The following ITGB4 variants were observed in gnomAD, a reference collection of about 807,000 sequenced individuals.
The protein encoded by ITGB4 is integrin beta-4.
ITGB4 carries 159 observed loss-of-function variants against 207.6 expected under a neutral mutation model. The observed-to-expected ratio is 0.77, with a 90% confidence interval of 0.67 to 0.87. The LOEUF is 0.87. Among genes scored for constraint, ITGB4 ranks in the 40% least tolerant of loss-of-function variants. ITGB4 has a pLI of 0.00. For missense variants in ITGB4, 2,278 were observed against 2,546.8 expected, an observed-to-expected ratio of 0.89 and a Z score of 2.27; for synonymous variants, 1,020 against 1,062.7, an observed-to-expected ratio of 0.96 and a Z score of 0.78.
chr17:75,730,034 C>A (rs539294300), intron 7 of ITGB4, among the ~76,000 whole-genome samples: 1 of 152,230 alleles, frequency 6.6e-6, no homozygotes, highest in African/African-American at 2.4e-5. Context: ...CAGCGCCTTG[C>A]GGGGGCCGCA....
intron 13 of ITGB4, 68 bp downstream of exon 13, chr17:75,733,760 G>A (rs1198223890): frequency 1.1e-5 from 16 of 1,520,158 alleles, no homozygotes; most frequent in African/African-American, 2.7e-5. Flanking sequence ...TGACTTTCCC[G>A]TCAGGACCCA....
In ITGB4 at chr17:75,739,648, A is replaced by T; in HGVS notation, c.2221-24A>T. The T allele has an allele frequency of 6.2e-7, 1 of 1,613,932 alleles. No individual in the cohort carries two copies. Among genetic ancestry groups the T allele is most frequent in the Admixed American group, 1.7e-5 (1 of 60,008 alleles). On this transcript the variant is annotated intron_variant, in intron 18 of 39. Coordinates refer to ENST00000200181, the MANE Select transcript of ITGB4 (RefSeq NM_000213.5). This position sits in a 1 kb window ranked among gnomAD's most constrained non-coding sequence, Gnocchi z 5.4. ...GGCCAGGGCAGCTGTCTCAGGCCTC[A>T]CCCTCACCCACCTTGTCTCCTAGGC... is the stretch of plus-strand genomic sequence containing the variant.
Position 75,732,205 on chromosome 17 carries a change from T to A in ITGB4, c.1420T>A (p.Phe474Ile). ...RSARCSFNGD[F>I]VCGQCVCSEG... ...AGCTCGCTGCAGCTTCAACGGAGAC[T>A]TCGTGTGCGGACAGTGTGTGTGCAG... The change falls in exon 12 of 40, where the codon TTC becomes ATC. Residue 474 changes from phenylalanine to isoleucine, a missense_variant. Transcript: ENST00000200181. The surrounding 1 kb of genome is among the most constrained non-coding windows in gnomAD (Gnocchi z 5.3). 1 of 1,614,084 alleles carries A rather than the reference T, an allele frequency of 6.2e-7. No homozygotes were observed. Among genetic ancestry groups the A allele is most frequent in the Non-Finnish European group, 8.5e-7 (1 of 1,180,038 alleles).
chr17:75,736,218 T>A (rs1323792153), intron 14 of ITGB4, 64 bp downstream of exon 14: 7 of 1,601,668 alleles, frequency 4.4e-6, no homozygotes, highest in Non-Finnish European at 5.1e-6. Context: ...GAGAGAACCC[T>A]ATGGAGAGAG....
At chr17:75,757,170 C>A (rs1442593251) in intron 38 of ITGB4, 30 bp from the exon 39 acceptor site, 1 of 1,612,498 alleles carries the variant, frequency 6.2e-7, no homozygotes, top group Non-Finnish European at 8.5e-7. Context: ...TCTGGCACCA[C>A]CCTCTGACTG....
intron 23 of ITGB4, chr17:75,741,217 G>A (rs946943741): frequency 2.0e-5 from 13 of 658,926 alleles, no homozygotes; most frequent in African/African-American, 5.3e-5. Flanking sequence ...CCCTGGACTA[G>A]AGCAGGCAAA....
At position 75,736,606 on chromosome 17, in the gene ITGB4, G is replaced by T; in HGVS notation, c.1902G>T (p.Gln634His). ...GCGAGGACCTACGCTCCTGCGTGCA[G>T]TGCCAGGCGTGGGGCACCGGCGAGA... Reference protein sequence around the residue: ...GLCEDLRSCVQCQAWGTGEKK... With the variant: ...GLCEDLRSCVHCQAWGTGEKK... The change falls in exon 16 of 40, where the codon CAG (glutamine) becomes CAT (histidine). Residue 634 changes from glutamine to histidine, a missense_variant. Coordinates refer to ENST00000200181, the MANE Select transcript of ITGB4 (RefSeq NM_000213.5). 1.2e-6 allele frequency: 2 copies of T among 1,603,424 alleles called. No homozygotes were observed. Among genetic ancestry groups the T allele is most frequent in the Non-Finnish European group, 1.7e-6 (2 of 1,175,656 alleles).
In ITGB4 at chr17:75,756,685, C is replaced by T. The variant is rs2061513775; in HGVS notation, c.4898-19C>T. ...CACCACCCACCCACAGGCTGATGCT[C>T]TTCCTCTACTGCCCCCAGGCTCCGC... is the stretch of plus-strand genomic sequence containing the variant. On this transcript the variant is annotated intron_variant, in intron 36 of 39. Coordinates refer to ENST00000200181, the MANE Select transcript of ITGB4 (RefSeq NM_000213.5). The T allele has an allele frequency of 6.2e-7, 1 of 1,613,502 alleles. No individual in the cohort carries two copies. Among genetic ancestry groups the T allele is most frequent in the African/African-American group, 1.3e-5 (1 of 75,062 alleles).
In ITGB4 at chr17:75,739,939, G is replaced by T; in HGVS notation, c.2314G>T (p.Asp772Tyr). Residue 772 changes from aspartate to tyrosine, a missense_variant, in exon 20 of 40, where the codon GAC (aspartate) becomes TAC (tyrosine). Transcript: ENST00000200181. The surrounding 1 kb of genome is among the most constrained non-coding windows in gnomAD (Gnocchi z 5.4). The stretch of plus-strand genomic sequence containing the variant: ...GCTGCGGGAGAACCTGATGGCCTCT[G>T]ACCACTTGGACACGCCCATGCTGCG... ...YMLRENLMAS[D>Y]HLDTPMLRSG... 1.2e-6 allele frequency: 2 copies of T among 1,613,344 alleles called. No individual in the cohort carries two copies. Among genetic ancestry groups the T allele is most frequent in the Non-Finnish European group, 1.7e-6 (2 of 1,180,036 alleles).
rs926803832 is a variant in ITGB4 at position 75,727,584 on chromosome 17, C to T, written c.265-67C>T. 2.4e-5 allele frequency: 38 copies of T among 1,582,994 alleles called. No homozygotes were observed. Among genetic ancestry groups the T allele is most frequent in the African/African-American group, 6.7e-5 (5 of 74,286 alleles). ...ATGGGGGTGTATAGTGCCCCTTGGC[C>T]GGGCTGGGCCCCCATCGGGCCTCCG... On this transcript the variant is annotated intron_variant, in intron 4 of 39. Coordinates refer to ENST00000200181, the MANE Select transcript of ITGB4 (RefSeq NM_000213.5). The surrounding 1 kb of genome is among the most constrained non-coding windows in gnomAD (Gnocchi z 6.0).
rs1442473340 is a variant in ITGB4 at position 75,731,925 on chromosome 17, C to A, written c.1329C>A (p.Gly443=). Residue 443 remains glycine (G), a synonymous_variant, in exon 11 of 40, where the codon GGC becomes GGA. Coordinates refer to ENST00000200181, the MANE Select transcript of ITGB4 (RefSeq NM_000213.5). The surrounding 1 kb of genome is among the most constrained non-coding windows in gnomAD (Gnocchi z 6.8). ...ATCTGAAACCTTCCTTCTCCGACGG[C>A]CTCAAGATGGACGCGGGCATCATCT... The part of the protein sequence containing the change: ...NIHLKPSFSD[G]LKMDAGIICD... 1.9e-6 allele frequency: 3 copies of A among 1,614,060 alleles called. No homozygotes were observed. Among genetic ancestry groups the A allele is most frequent in the Non-Finnish European group, 2.5e-6 (3 of 1,180,020 alleles).
rs373746583 is a variant in ITGB4 at position 75,736,404 on chromosome 17, G to A, written c.1860+18G>A. The A allele has an allele frequency of 9.3e-6, 15 of 1,613,212 alleles. No individual in the cohort carries two copies. Among genetic ancestry groups the A allele is most frequent in the Middle Eastern group, 1.7e-4 (1 of 6,058 alleles). ...ACTCGGCGGTGAGGCTAAGACCTAC[G>A]AGGTGTGGGCGTGGGAACAGGGCAG... On this transcript the variant is annotated intron_variant, in intron 15 of 39. Coordinates refer to ENST00000200181, the MANE Select transcript of ITGB4 (RefSeq NM_000213.5).
At position 75,732,678 on chromosome 17, in the gene ITGB4, A is replaced by G. The variant is rs936585340; in HGVS notation, c.1454+439A>G. Among the ~76,000 whole-genome samples, 6 of 152,174 alleles carry G rather than the reference A, an allele frequency of 3.9e-5. No homozygotes were observed. Among genetic ancestry groups the G allele is most frequent in the Admixed American group, 3.9e-4 (6 of 15,270 alleles). On this transcript the variant is annotated intron_variant, in intron 12 of 39. Coordinates refer to ENST00000200181, the MANE Select transcript of ITGB4 (RefSeq NM_000213.5). This position sits in a 1 kb window ranked among gnomAD's most constrained non-coding sequence, Gnocchi z 5.3. Reference sequence around the variant, plus strand: ...TGAGGCAGAGCAGTGGGGAAAGGACACTGGAAGGGGTGACATGACAGGGCA... The same window carrying G: ...TGAGGCAGAGCAGTGGGGAAAGGACGCTGGAAGGGGTGACATGACAGGGCA...
At chr17:75,736,224 G>C (rs1231193778) in intron 14 of ITGB4, 64 bp from the exon 15 acceptor site, 15 of 1,602,624 alleles carry the variant, frequency 9.4e-6, no homozygotes, top group Non-Finnish European at 6.8e-6. Flanking sequence ...ACCCTATGGA[G>C]AGAGGAGAGG....
Position 75,755,708 on chromosome 17 carries a change from C to G in ITGB4, c.4566C>G (p.Arg1522=), listed in dbSNP as rs910425620. The G allele has an allele frequency of 6.2e-7, 1 of 1,612,838 alleles. No homozygotes were observed. The highest frequency in any genetic ancestry group is 8.5e-7 in the Non-Finnish European group (1 of 1,179,958). The part of the protein sequence containing the change: ...TLTSVSSHDS[R]LTAGVPDTPT... The stretch of plus-strand genomic sequence containing the variant: ...GCGGCCTCCTGTCCCCAGACTCTCG[C>G]CTGACTGCTGGTGTGCCCGACACGC... Residue 1522 remains arginine, a synonymous_variant, in exon 35 of 40, where the codon CGC becomes CGG. Coordinates refer to ENST00000200181, the MANE Select transcript of ITGB4 (RefSeq NM_000213.5).
chr17:75,741,326 C>T (rs951455981), intron 23 of ITGB4, among the ~76,000 whole-genome samples: 19 of 152,124 alleles, frequency 1.2e-4, no homozygotes, highest in Admixed American at 1.1e-3. Flanking sequence ...CTCCAGTGTC[C>T]AAGACCCTGA....
intron 23 of ITGB4, among the ~76,000 whole-genome samples, chr17:75,741,400 T>C (rs968836557): frequency 3.9e-5 from 6 of 151,996 alleles, no homozygotes; most frequent in Non-Finnish European, 8.8e-5. Flanking sequence ...GTCACACACC[T>C]TTTTTCCCAG....
rs2061072563 is a variant in ITGB4 at position 75,740,109 on chromosome 17, C to A, written c.2446+38C>A. The A allele has an allele frequency of 1.3e-6, 2 of 1,572,358 alleles. No homozygotes were observed. The highest frequency in any genetic ancestry group is 1.7e-6 in the Non-Finnish European group (2 of 1,156,662). On this transcript the variant is annotated intron_variant, in intron 20 of 39. Coordinates refer to ENST00000200181, the MANE Select transcript of ITGB4 (RefSeq NM_000213.5). The surrounding 1 kb of genome is among the most constrained non-coding windows in gnomAD (Gnocchi z 5.9). Reference sequence around the variant, plus strand: ...CTGGGCGCCACAGCTCTGGGCAGTGCCCTTCGGGCCCTCTGTTCCAGATCT... The same window carrying A: ...CTGGGCGCCACAGCTCTGGGCAGTGACCTTCGGGCCCTCTGTTCCAGATCT...
At position 75,742,334 on chromosome 17, in the gene ITGB4, G is replaced by A. The variant is rs370862035; in HGVS notation, c.2634-7G>A. The A allele has an allele frequency of 6.3e-5, 101 of 1,613,108 alleles. No homozygotes were observed. The highest frequency in any genetic ancestry group is 8.1e-5 in the Non-Finnish European group (96 of 1,180,036). On this transcript the variant is annotated splice_polypyrimidine_tract_variant and splice_region_variant and intron_variant, in intron 23 of 39. Coordinates refer to ENST00000200181, the MANE Select transcript of ITGB4 (RefSeq NM_000213.5). The surrounding 1 kb of genome is among the most constrained non-coding windows in gnomAD (Gnocchi z 5.9). ...TCCGCTGCCTGAACCTTCCACCCTC[G>A]ACCCAGGCAAGACCACACCATTGTG...
Sources: gnomAD v4.1 joint callset for allele counts (sites outside exome capture counted in the v4.1 genomes callset) on GRCh38, gnomAD v4.1.1 for gene constraint, Gnocchi (gnomAD v3.1) non-coding constraint, MANE v1.5 for transcripts, NCBI Gene and HGNC (gene_info 2026-07-23, HGNC 2026-07-21) for gene names.